Variants in ARHGEF10L observed in about 807,000 individuals in gnomAD.
The protein encoded by ARHGEF10L is rho guanine nucleotide exchange factor 10-like protein.
Under a neutral mutation model 141.2 loss-of-function variants are expected in ARHGEF10L, and 69 were observed. The observed-to-expected ratio is 0.49, with a 90% CI of 0.40 to 0.60. ARHGEF10L has a LOEUF of 0.60. ARHGEF10L is among the 20% of genes least tolerant of loss of function. The pLI is 0.00. For missense variants in ARHGEF10L, 1,482 were observed against 1,734.3 expected (o/e 0.85, Z 2.58); for synonymous variants, 711 against 718.5 (o/e 0.99, Z 0.17).
chr1:17,628,420 A>G (rs1236648480), intron 15 of ARHGEF10L, among the ~76,000 whole-genome samples: 1 of 152,154 alleles, frequency 6.6e-6, no homozygotes, highest in East Asian at 1.9e-4. Flanking sequence ...TCACAGAGTC[A>G]CCTGTTGGTC....
Position 17,653,265 on chromosome 1 carries a change from C to T in ARHGEF10L, c.2395-1371C>T, listed in dbSNP as rs147826561. 4.1e-4 allele frequency among the ~76,000 whole-genome samples: 62 copies of T among 152,356 alleles called. 1 individual carries two copies. Among genetic ancestry groups the T allele is most frequent in the Middle Eastern group, 3.4e-3 (1 of 294 alleles). On this transcript the variant is annotated intron_variant, in intron 22 of 28. Transcript: ENST00000361221. ...TGTTGGCTGTACCTAAAGCTGCTTC[C>T]CTTCACAGCTTCGTGCTCCCCTCCT... is the stretch of plus-strand genomic sequence containing the variant.
At chr1:17,584,857 GCACACA>G (rs140219740) in intron 2 of ARHGEF10L, among the ~76,000 whole-genome samples, 7 of 141,026 alleles carry the variant, frequency 5.0e-5, no homozygotes, top group East Asian at 2.0e-4. Flanking sequence ...ACGTGTGCGT[GCACACA>G]CACACACACA....
Position 17,564,124 on chromosome 1 carries a change from T to C in ARHGEF10L, c.-43-16429T>C, listed in dbSNP as rs533292188. Reference sequence around the variant, plus strand: ...GGGAGGGTGCTGGCTCTGGCACAGCTGGCACATAGTGCTTGCTCTGGCCTG... The same window carrying C: ...GGGAGGGTGCTGGCTCTGGCACAGCCGGCACATAGTGCTTGCTCTGGCCTG... On this transcript the variant is annotated intron_variant, in intron 1 of 28. Coordinates refer to ENST00000361221, the MANE Select transcript of ARHGEF10L (RefSeq NM_018125.4). Among the ~76,000 whole-genome samples, 18 of 152,346 alleles carry C rather than the reference T, an allele frequency of 1.2e-4. No individual in the cohort carries two copies. The South Asian group carries it at 3.1e-3, about 26-fold the overall frequency.
the ARHGEF10L span, among the ~76,000 whole-genome samples, chr1:17,525,961 C>A: frequency 1.4e-5 from 2 of 147,388 alleles, no homozygotes; most frequent in Non-Finnish European, 3.0e-5. Flanking sequence ...GAGATCCCAC[C>A]ACTGCACCCT....
intron 20 of ARHGEF10L, 31 bp downstream of exon 20, chr1:17,638,720 G>C: frequency 6.2e-7 from 1 of 1,611,540 alleles, no homozygotes; most frequent in Non-Finnish European, 8.5e-7. Flanking sequence ...AGGGAGGGCT[G>C]CTGCCTCTGC....
rs936858225 is a variant in ARHGEF10L, at chr1:17,697,581, G to A, written c.*201G>A. On this transcript the variant is annotated 3_prime_UTR_variant, in exon 29 of 29. Transcript: ENST00000361221. This position sits in a 1 kb window ranked among gnomAD's most constrained non-coding sequence, Gnocchi z 4.8. ...GGAGGAGTTTTAGGGCTTGGGGAGA[G>A]GGAGGACACATCTGGAGGAAATGGC... 1.1e-5 allele frequency: 8 copies of A among 708,696 alleles called. No individual in the cohort carries two copies. Among genetic ancestry groups the A allele is most frequent in the African/African-American group, 1.1e-4 (6 of 56,486 alleles). 43.9% of individuals were successfully genotyped at this position (708,696 alleles called of 1,614,324 possible).
In ARHGEF10L at chr1:17,695,232, A is replaced by C; in HGVS notation, c.3259A>C (p.Ile1087Leu). The C allele has an allele frequency of 6.2e-7, 1 of 1,608,628 alleles. No homozygotes were observed. The highest frequency in any genetic ancestry group is 2.2e-5 in the East Asian group (1 of 44,838). Reference sequence around the variant, plus strand: ...CTGGGTGGGCACTGACCAGGGTGTCATCGTCCTGCTGCCCGTGCCTCGGCT... The same window carrying C: ...CTGGGTGGGCACTGACCAGGGTGTCCTCGTCCTGCTGCCCGTGCCTCGGCT... Reference protein sequence around the residue: ...LLWVGTDQGVIVLLPVPRLEG... With the variant: ...LLWVGTDQGVLVLLPVPRLEG... Residue 1087 changes from isoleucine to leucine, a missense_variant, in exon 28 of 29, where the codon ATC (isoleucine) becomes CTC (leucine). This residue lies in a region of ARHGEF10L where 858 missense variants were observed against 966.3 expected (regional missense o/e 0.89). Coordinates refer to ENST00000361221, the MANE Select transcript of ARHGEF10L (RefSeq NM_018125.4).
chr1:17,612,235 A>G (rs1438977600), intron 7 of ARHGEF10L, among the ~76,000 whole-genome samples: 2 of 152,172 alleles, frequency 1.3e-5, no homozygotes, highest in African/African-American at 2.4e-5. Flanking sequence ...TATTCACACC[A>G]TGGAAATGCT....
rs2060007000 is a variant in ARHGEF10L at position 17,619,786 on chromosome 1, G to A, written c.942+341G>A. Among the ~76,000 whole-genome samples, 1 of 152,176 alleles carries A rather than the reference G, an allele frequency of 6.6e-6. No individual in the cohort carries two copies. Among genetic ancestry groups the A allele is most frequent in the Non-Finnish European group, 1.5e-5 (1 of 68,036 alleles). On this transcript the variant is annotated intron_variant, in intron 10 of 28. Coordinates refer to ENST00000361221, the MANE Select transcript of ARHGEF10L (RefSeq NM_018125.4). This position sits in a 1 kb window ranked among gnomAD's most constrained non-coding sequence, Gnocchi z 5.0. Reference sequence around the variant, plus strand: ...AAGAATGAGATGGGATCCAGACTCAGGTGAGGCTGCAGGTGTGTAGGTGCC... The same window carrying A: ...AAGAATGAGATGGGATCCAGACTCAAGTGAGGCTGCAGGTGTGTAGGTGCC...
chr1:17,618,262 A>ACCCC, intron 9 of ARHGEF10L: 2 of 684,254 alleles, frequency 2.9e-6, no homozygotes, highest in Non-Finnish European at 4.3e-6. Context: ...AGCCCTCCCC[A>ACCCC]CCCCGCCCAC....
At chr1:17,645,186 GTTC>G (rs2061526626) in intron 21 of ARHGEF10L, among the ~76,000 whole-genome samples, 1 of 152,138 alleles carries the variant, frequency 6.6e-6, no homozygotes, top group Non-Finnish European at 1.5e-5. Context: ...GTCGGTGCCA[GTTC>G]TTAATGTCAC....
At chr1:17,546,493 G>C (rs2076920193) in intron 1 of ARHGEF10L, among the ~76,000 whole-genome samples, 1 of 152,184 alleles carries the variant, frequency 6.6e-6, no homozygotes. Flanking sequence ...TATCGATGAG[G>C]AAATTGAGTC....
chr1:17,563,166 G>A (rs2077610209), intron 1 of ARHGEF10L, among the ~76,000 whole-genome samples: 1 of 152,012 alleles, frequency 6.6e-6, no homozygotes, highest in African/African-American at 2.4e-5. Context: ...AGAGTGGGGG[G>A]CATTTATGGA....
rs551837387 is a variant in ARHGEF10L at position 17,602,092 on chromosome 1, C to T, written c.258-35C>T. On this transcript the variant is annotated intron_variant, in intron 4 of 28. Coordinates refer to ENST00000361221, the MANE Select transcript of ARHGEF10L (RefSeq NM_018125.4). ...TGCCAGAGGCTTCTGGGAGCCACCTCTGGACACCTCTGCAGTGCCATCTCT... is the reference window on the plus strand; with the variant it reads ...TGCCAGAGGCTTCTGGGAGCCACCTTTGGACACCTCTGCAGTGCCATCTCT... 1.5e-5 allele frequency: 22 copies of T among 1,516,398 alleles called. No homozygotes were observed. In the South Asian group the frequency reaches 2.7e-4, roughly 18 times the overall value. 93.9% of individuals were successfully genotyped at this position (1,516,398 alleles called of 1,614,324 possible). A position where few individuals can be genotyped will look rare whatever the true frequency, so the allele number is the denominator to read the frequency against.
intron 1 of ARHGEF10L, among the ~76,000 whole-genome samples, chr1:17,563,536 C>G (rs2077629020): frequency 6.6e-6 from 1 of 152,084 alleles, no homozygotes; most frequent in Non-Finnish European, 1.5e-5. Context: ...TGCCCAGGCC[C>G]TTTTTCTTTT....
intron 16 of ARHGEF10L, 54 bp downstream of exon 16, chr1:17,632,520 C>A (rs528613890): frequency 1.2e-6 from 2 of 1,609,152 alleles, no homozygotes; most frequent in Admixed American, 3.3e-5. Flanking sequence ...GACCCCATCC[C>A]GCCCTACTCC....
the ARHGEF10L span, among the ~76,000 whole-genome samples, chr1:17,533,431 A>G: frequency 6.6e-6 from 1 of 152,064 alleles, no homozygotes; most frequent in Non-Finnish European, 1.5e-5. Context: ...TGCCCTCCCA[A>G]AATGCTGAGA....
rs564737670 is a variant in ARHGEF10L at position 17,638,204 on chromosome 1, C to T, written c.2043+201C>T. Among the ~76,000 whole-genome samples, 6 of 152,224 alleles carry T rather than the reference C, an allele frequency of 3.9e-5. No individual in the cohort carries two copies. In the South Asian group the frequency reaches 1.0e-3, roughly 26 times the overall value. On this transcript the variant is annotated intron_variant, in intron 19 of 28. Transcript: ENST00000361221. ...TCTCTTTTGCGGCCGCTGGTTCGGG[C>T]GCATCCTCTGGTTTGGGTTGAGTGG...
Position 17,619,334 on chromosome 1 carries a change from T to C in ARHGEF10L, c.836-5T>C, listed in dbSNP as rs201873287. ...GCTGTGTCATCGGCCCATCTGACTT[T>C]CCAGGTGACTCGGAGGAGGAGGACA... On this transcript the variant is annotated splice_region_variant and splice_polypyrimidine_tract_variant and intron_variant, in intron 9 of 28. Transcript: ENST00000361221. This position sits in a 1 kb window ranked among gnomAD's most constrained non-coding sequence, Gnocchi z 5.0. 7.4e-6 allele frequency: 12 copies of C among 1,613,018 alleles called. No homozygotes were observed. In the Admixed American group the frequency reaches 1.0e-4, roughly 13 times the overall value.
Sources: gnomAD v4.1 joint callset for allele counts (sites outside exome capture counted in the v4.1 genomes callset) on GRCh38, gnomAD v4.1.1 for gene constraint, gnomAD v4.1.1 regional missense constraint, Gnocchi (gnomAD v3.1) non-coding constraint, MANE v1.5 for transcripts, NCBI Gene and HGNC (gene_info 2026-07-23, HGNC 2026-07-21) for gene names.